The following TLK1 variants were observed in gnomAD, a reference collection of about 807,000 sequenced individuals.
TLK1 encodes the protein tousled like kinase 1.
In TLK1, 24 loss-of-function variants were observed where a neutral mutation model predicts 105.3. The ratio of observed to expected loss-of-function variants is 0.23; its 90% CI spans 0.17 to 0.32. TLK1 has a LOEUF of 0.32. Ranked by LOEUF, TLK1 falls within the 10% of genes least tolerant of loss-of-function variation. The probability of loss-of-function intolerance (pLI) is 1.00; values close to 1 mark genes in which losing one functional copy is unlikely to be tolerated. For missense variants in TLK1, 558 were observed against 910.5 expected (o/e 0.61, Z 4.98); for synonymous variants, 321 against 310.4 (o/e 1.03, Z -0.36).
At chr2:171,125,476 T>C (rs1027345071) in intron 1 of TLK1, among the ~76,000 whole-genome samples, 3 of 152,094 alleles carry the variant, frequency 2.0e-5, no homozygotes, top group Non-Finnish European at 4.4e-5. Context: ...TGGTAATAAA[T>C]AAACAAATAA....
chr2:171,101,346 C>CAAAAAAAAAAAAAA lies in TLK1; in HGVS notation c.258+16379_258+16392dup, dbSNP rs71401403. Among the ~76,000 whole-genome samples the CAAAAAAAAAAAAAA allele has an allele frequency of 7.7e-4, 49 of 63,464 alleles. 3 individuals carry two copies. The highest frequency in any genetic ancestry group is 3.0e-3 in the African/African-American group (42 of 13,818). 41.6% of individuals were successfully genotyped at this position (63,464 alleles called of 152,430 possible). A position where few individuals can be genotyped will look rare whatever the true frequency, so the allele number is the denominator to read the frequency against. ...GGACAACAAGAGTGAAACTCCGTCTCAAAAAAAAAAAAAAAAAAAGCCAGG... is the reference window on the plus strand; with the variant it reads ...GGACAACAAGAGTGAAACTCCGTCTCAAAAAAAAAAAAAAAAAAAAAAAAAAAAAAAAAGCCAGG... On this transcript the variant is annotated intron_variant, in intron 2 of 20. Transcript: ENST00000431350.
In TLK1 at chr2:171,099,044, T is replaced by C. The variant is rs562559690; in HGVS notation, c.259-16192A>G. 2.6e-5 allele frequency among the ~76,000 whole-genome samples: 4 copies of C among 152,246 alleles called. No individual in the cohort carries two copies. In the South Asian group the frequency reaches 8.3e-4, roughly 32 times the overall value. Reference sequence around the variant, plus strand: ...AATATATGTGCTCTCACCACTTCAGTTCAACATTGTATTGGATGTTCTAGT... The same window carrying C: ...AATATATGTGCTCTCACCACTTCAGCTCAACATTGTATTGGATGTTCTAGT... On this transcript the variant is annotated intron_variant, in intron 2 of 20. Coordinates refer to ENST00000431350, the MANE Select transcript of TLK1 (RefSeq NM_012290.5).
At chr2:171,047,987 C>G (rs966289177) in intron 10 of TLK1, among the ~76,000 whole-genome samples, 3 of 152,296 alleles carry the variant, frequency 2.0e-5, no homozygotes, top group African/African-American at 7.2e-5. Flanking sequence ...CTCACTCTGT[C>G]GCCCAGGCTG....
At chr2:171,080,875 C>CT (rs983474528) in intron 3 of TLK1, among the ~76,000 whole-genome samples, 2 of 151,696 alleles carry the variant, frequency 1.3e-5, no homozygotes, top group Non-Finnish European at 2.9e-5. Flanking sequence ...ACCCAGCTAA[C>CT]TTTTTGTGTT....
intron 3 of TLK1, among the ~76,000 whole-genome samples, chr2:171,078,336 G>A (rs887573402): frequency 1.3e-5 from 2 of 152,134 alleles, no homozygotes; most frequent in Non-Finnish European, 2.9e-5. Context: ...TCAGGAGTTT[G>A]AGACCAGCCT....
intron 11 of TLK1, among the ~76,000 whole-genome samples, chr2:171,028,949 T>C (rs1685907406): frequency 3.3e-4 from 1 of 2,990 alleles, no homozygotes; most frequent in Non-Finnish European, 3.9e-3. Flanking sequence ...GTTAGAGAGG[T>C]GACCATCTAA....
chr2:170,996,321 TTATA>T (rs1369221088), intron 20 of TLK1, among the ~76,000 whole-genome samples: 1 of 152,214 alleles, frequency 6.6e-6, no homozygotes, highest in African/African-American at 2.4e-5. Context: ...TTAATATTTC[TTATA>T]TACTTATATA....
At chr2:171,193,951 C>A (rs1693212033) in intron 1 of TLK1, among the ~76,000 whole-genome samples, 1 of 151,950 alleles carries the variant, frequency 6.6e-6, no homozygotes, top group Non-Finnish European at 1.5e-5. Flanking sequence ...AACTCCTGAC[C>A]TCAGGTGATC....
chr2:171,125,780 G>T (rs1690843806), intron 1 of TLK1, among the ~76,000 whole-genome samples: 3 of 152,180 alleles, frequency 2.0e-5, no homozygotes. Context: ...ACATGAATAA[G>T]TTCTTTAGCG....
chr2:171,126,045 T>A (rs1410779809), intron 1 of TLK1, among the ~76,000 whole-genome samples: 1 of 152,212 alleles, frequency 6.6e-6, no homozygotes, highest in Non-Finnish European at 1.5e-5. Context: ...ATGTTTATAA[T>A]TTTGAAAAGG....
intron 2 of TLK1, among the ~76,000 whole-genome samples, chr2:171,099,777 G>T (rs1282659767): frequency 5.3e-5 from 8 of 152,204 alleles, no homozygotes; most frequent in Admixed American, 5.2e-4. Flanking sequence ...TTCAACAAAT[G>T]TTGCTGAGAC....
chr2:171,047,916 G>C (rs1687036069), intron 10 of TLK1, among the ~76,000 whole-genome samples: 1 of 152,110 alleles, frequency 6.6e-6, no homozygotes. Flanking sequence ...ATGCTTATTA[G>C]TGAAAGTCAG....
At chr2:171,184,988 G>A (rs1194135683) in intron 1 of TLK1, among the ~76,000 whole-genome samples, 1 of 151,936 alleles carries the variant, frequency 6.6e-6, no homozygotes, top group Non-Finnish European at 1.5e-5. Flanking sequence ...ACAGGTGCCC[G>A]CCACCATGCC....
intron 3 of TLK1, among the ~76,000 whole-genome samples, chr2:171,066,514 A>G (rs1249595600): frequency 6.6e-6 from 1 of 152,210 alleles, no homozygotes; most frequent in Non-Finnish European, 1.5e-5. Context: ...CATGCACAGC[A>G]TTCACAACCG....
At chr2:171,003,273 C>CAAAAAAAAAAAAAAAAAAAAAA (rs777049271) in intron 18 of TLK1, among the ~76,000 whole-genome samples, 1 of 68,506 alleles carries the variant, frequency 1.5e-5, no homozygotes, top group African/African-American at 8.2e-5. Context: ...GACTCCGTCT[C>CAAAAAAAAAAAAAAAAAAAAAA]AAAAAAAAAA....
chr2:171,139,159 G>GAT (rs911935424), intron 1 of TLK1, among the ~76,000 whole-genome samples: 7 of 151,960 alleles, frequency 4.6e-5, no homozygotes, highest in Non-Finnish European at 7.4e-5. Context: ...AAAGGAATAG[G>GAT]ATATATATAT....
At chr2:171,164,226 T>A (rs1414859560), upstream of TLK1, among the ~76,000 whole-genome samples, 1 of 152,322 alleles carries the variant, frequency 6.6e-6, no homozygotes, top group Non-Finnish European at 1.5e-5. Context: ...AAAAGGCTTT[T>A]ACTGGCAATG....
At chr2:171,041,577 T>C (rs1219996872) in intron 11 of TLK1, among the ~76,000 whole-genome samples, 2 of 152,236 alleles carry the variant, frequency 1.3e-5, no homozygotes, top group African/African-American at 2.4e-5. Flanking sequence ...ACAAACCCTA[T>C]TGTGAACTGC....
chr2:170,991,119 T>G lies in TLK1; in HGVS notation c.*2661A>C, dbSNP rs937831656. ...TTACTTCCTCTCAACATGCACACAC[T>G]AAAGCAAATTCAAATCAAAGAAAGA... On this transcript the variant is annotated 3_prime_UTR_variant, in exon 21 of 21. Coordinates refer to ENST00000431350, the MANE Select transcript of TLK1 (RefSeq NM_012290.5). 6.6e-6 allele frequency: 1 copy of G among 152,156 alleles called. No individual in the cohort carries two copies. The highest frequency in any genetic ancestry group is 1.5e-5 in the Non-Finnish European group (1 of 68,020). The allele number at this position is 152,156 out of a possible 1,614,324, so 9.4% of individuals were successfully genotyped here. A position where few individuals can be genotyped will look rare whatever the true frequency, so the allele number is the denominator to read the frequency against.
Sources: gnomAD v4.1 joint callset for allele counts (sites outside exome capture counted in the v4.1 genomes callset) on GRCh38, gnomAD v4.1.1 for gene constraint, MANE v1.5 for transcripts, NCBI Gene and HGNC (gene_info 2026-07-23, HGNC 2026-07-21) for gene names.